The following ZNF609 variants were observed in gnomAD, a reference collection of about 807,000 sequenced individuals.
ZNF609 encodes the protein zinc finger protein 609.
Under a neutral mutation model 109.5 loss-of-function variants are expected in ZNF609, and 11 were observed. The ratio of observed to expected loss-of-function variants is 0.10; its 90% CI spans 0.06 to 0.17. ZNF609 has a LOEUF of 0.17. ZNF609 is among the 10% of genes least tolerant of loss of function. The probability of loss-of-function intolerance (pLI) is 1.00; values close to 1 mark genes in which losing one functional copy is unlikely to be tolerated. For missense variants in ZNF609, 1,559 were observed against 1,772.4 expected (o/e 0.88, Z 2.16); for synonymous variants, 646 against 662.0 (o/e 0.98, Z 0.37).
At chr15:64,543,135 T>C (rs1206783960) in intron 2 of ZNF609, among the ~76,000 whole-genome samples, 2 of 152,096 alleles carry the variant, frequency 1.3e-5, no homozygotes, top group Non-Finnish European at 2.9e-5. Flanking sequence ...GTTCTGCACA[T>C]GTATCCCAGA....
intron 3 of ZNF609, among the ~76,000 whole-genome samples, chr15:64,655,043 C>A (rs1896470095): frequency 6.7e-6 from 1 of 149,566 alleles, no homozygotes; most frequent in Non-Finnish European, 1.5e-5. Flanking sequence ...TTGCAGTGAA[C>A]CGAGATTATG....
chr15:64,616,944 G>C (rs1409848137), intron 2 of ZNF609, among the ~76,000 whole-genome samples: 1 of 150,572 alleles, frequency 6.6e-6, no homozygotes, highest in Non-Finnish European at 1.5e-5. Context: ...AAGTAGCTGG[G>C]ATTACAGGTG....
upstream of ZNF609, among the ~76,000 whole-genome samples, chr15:64,459,888 G>C (rs991775115): frequency 4.6e-5 from 7 of 152,092 alleles, no homozygotes; most frequent in African/African-American, 1.7e-4. Context: ...AAAAATAAAA[G>C]CTACAATCCT....
intron 3 of ZNF609, among the ~76,000 whole-genome samples, chr15:64,637,961 A>G (rs1369736726): frequency 7.0e-6 from 1 of 142,894 alleles, no homozygotes; most frequent in Non-Finnish European, 1.5e-5. Flanking sequence ...CCAAGATAAT[A>G]TATTCTTCTA....
At chr15:64,599,168 GTTTTTT>G (rs556122154) in intron 2 of ZNF609, among the ~76,000 whole-genome samples, 11 of 46,498 alleles carry the variant, frequency 2.4e-4, no homozygotes, top group East Asian at 2.0e-3. Context: ...TTTTGTGGTG[GTTTTTT>G]TTTTTTTTTT....
intron 6 of ZNF609, among the ~76,000 whole-genome samples, chr15:64,678,773 C>CT (rs1417211526): frequency 2.0e-5 from 3 of 152,230 alleles, no homozygotes; most frequent in African/African-American, 7.2e-5. Context: ...TCTGTCACTG[C>CT]TGTCTCCCCT....
intron 3 of ZNF609, among the ~76,000 whole-genome samples, chr15:64,668,729 G>A (rs993128214): frequency 5.3e-5 from 8 of 151,986 alleles, no homozygotes; most frequent in East Asian, 1.9e-4. Flanking sequence ...TGAGGCAGGC[G>A]GATCACATGA....
At chr15:64,635,852 T>C (rs1389355988) in intron 3 of ZNF609, among the ~76,000 whole-genome samples, 2 of 129,320 alleles carry the variant, frequency 1.5e-5, no homozygotes, top group African/African-American at 5.5e-5. Context: ...ATTTCTCTCT[T>C]TAACTCGCTC....
chr15:64,680,441 T>G (rs1032616339), intron 7 of ZNF609, 81 bp downstream of exon 7: 2 of 1,548,080 alleles, frequency 1.3e-6, no homozygotes, highest in African/African-American at 2.7e-5. Context: ...GTGGGCAAGT[T>G]CAGGTCCTGA....
intron 2 of ZNF609, among the ~76,000 whole-genome samples, chr15:64,565,029 T>C (rs1199626988): frequency 6.6e-6 from 1 of 150,860 alleles, no homozygotes; most frequent in African/African-American, 2.4e-5. Flanking sequence ...TTTGTATTTT[T>C]AGTAGAGACG....
chr15:64,685,208 T>C lies in ZNF609; in HGVS notation c.*3522T>C, dbSNP rs1000090437. The C allele has an allele frequency of 2.0e-5, 3 of 151,896 alleles. No homozygotes were observed. Among genetic ancestry groups the C allele is most frequent in the African/African-American group, 7.3e-5 (3 of 41,340 alleles). 9.4% of individuals were successfully genotyped at this position (151,896 alleles called of 1,614,324 possible). On this transcript the variant is annotated 3_prime_UTR_variant, in exon 10 of 10. Coordinates refer to ENST00000326648, the MANE Select transcript of ZNF609 (RefSeq NM_015042.2). ...ATATATATATACAAACTGTACTCTT[T>C]TTGCCTTTGTACATTCAGGCAAGAA... is the stretch of plus-strand genomic sequence containing the variant.
At chr15:64,625,950 G>T (rs1483950037) in intron 3 of ZNF609, among the ~76,000 whole-genome samples, 10,944 of 86,474 alleles carry the variant, frequency 0.13, 545 homozygotes, top group Non-Finnish European at 0.19. Context: ...GAGAGAGAGA[G>T]AGAGAGAGAG....
At chr15:64,612,953 T>G (rs1895741169) in intron 2 of ZNF609, among the ~76,000 whole-genome samples, 1 of 152,034 alleles carries the variant, frequency 6.6e-6, no homozygotes, top group Non-Finnish European at 1.5e-5. Flanking sequence ...AAGTGGAGGT[T>G]GCAGTGAGCC....
rs77320380 is a variant in ZNF609, at chr15:64,488,257, T to C, written c.-127-11036T>C. On this transcript the variant is annotated intron_variant, in intron 1 of 9. Transcript: ENST00000326648. ...GCTGACTGCTAATTGAGAGAGTTTA[T>C]AACTAGTGACAAATCAAGGTGAAGT... 9.3e-3 allele frequency among the ~76,000 whole-genome samples: 1,416 copies of C among 152,294 alleles called. 23 individuals carry two copies. The highest frequency in any genetic ancestry group is 0.033 in the African/African-American group (1,358 of 41,560).
intron 1 of ZNF609, among the ~76,000 whole-genome samples, chr15:64,465,842 G>C (rs1016671782): frequency 6.6e-6 from 1 of 151,728 alleles, no homozygotes; most frequent in East Asian, 1.9e-4. Context: ...TAGGCCGGGC[G>C]CAGTGGCTCA....
At chr15:64,680,598 CAT>C (rs746547205) in intron 7 of ZNF609, 46 bp from the exon 8 acceptor site, 2 of 1,372,782 alleles carry the variant, frequency 1.5e-6, no homozygotes, top group Non-Finnish European at 2.0e-6. Context: ...TGGTTGTATG[CAT>C]ATGTGTCTCA....
intron 2 of ZNF609, among the ~76,000 whole-genome samples, chr15:64,525,153 G>T (rs1455660845): frequency 1.3e-5 from 2 of 152,046 alleles, no homozygotes; most frequent in Non-Finnish European, 2.9e-5. Context: ...TTTTAATTAG[G>T]TTCTTTGTAA....
At chr15:64,539,598 G>A (rs1015482976) in intron 2 of ZNF609, among the ~76,000 whole-genome samples, 10 of 152,036 alleles carry the variant, frequency 6.6e-5, no homozygotes, top group Admixed American at 1.3e-4. Context: ...CCGACTCCCC[G>A]GTTCAAGCGA....
intron 2 of ZNF609, among the ~76,000 whole-genome samples, chr15:64,584,885 C>A (rs373327295): frequency 1.4e-4 from 21 of 149,086 alleles, no homozygotes; most frequent in East Asian, 1.4e-3. Flanking sequence ...TCTCAGCCTC[C>A]CAAAGTGCTG....
Sources: gnomAD v4.1 joint callset for allele counts (sites outside exome capture counted in the v4.1 genomes callset) on GRCh38, gnomAD v4.1.1 for gene constraint, MANE v1.5 for transcripts, NCBI Gene and HGNC (gene_info 2026-07-23, HGNC 2026-07-21) for gene names.